CDH18: variants seen among roughly 807,000 people sequenced by gnomAD.
CDH18 encodes the protein cadherin-18.
In CDH18, 31 loss-of-function variants were observed where a neutral mutation model predicts 67.9. That is an observed-to-expected ratio of 0.46 (90% confidence interval 0.34 to 0.62). The LOEUF is 0.62. Ranked by LOEUF, CDH18 falls within the 20% of genes least tolerant of loss-of-function variation. The pLI is 0.01. For synonymous variants in CDH18, 362 were observed against 347.2 expected (o/e 1.04, Z -0.48); for missense variants, 890 against 975.5 (o/e 0.91, Z 1.17).
intron 1 of CDH18, among the ~76,000 whole-genome samples, chr5:20,365,000 A>G (rs1355522935): frequency 6.6e-6 from 1 of 152,208 alleles, no homozygotes; most frequent in Non-Finnish European, 1.5e-5. Flanking sequence ...TTATAAATGT[A>G]TTCAGTAGTA....
chr5:19,881,753 G>A (rs1463213493), intron 2 of CDH18, among the ~76,000 whole-genome samples: 2 of 151,938 alleles, frequency 1.3e-5, no homozygotes, highest in African/African-American at 2.4e-5. Context: ...TGATCCACCC[G>A]CCTCGACCTC....
intron 2 of CDH18, among the ~76,000 whole-genome samples, chr5:19,996,535 G>T (rs1179287453): frequency 2.0e-5 from 3 of 151,952 alleles, no homozygotes; most frequent in Non-Finnish European, 4.4e-5. Flanking sequence ...TACTTTACTG[G>T]TTCCCAACAC....
intron 2 of CDH18, among the ~76,000 whole-genome samples, chr5:20,191,874 AG>A: frequency 6.6e-6 from 1 of 152,298 alleles, no homozygotes; most frequent in African/African-American, 2.4e-5. Flanking sequence ...GTATATATCC[AG>A]TAATGGGATT....
intron 2 of CDH18, among the ~76,000 whole-genome samples, chr5:19,873,396 G>T (rs992108318): frequency 3.3e-5 from 5 of 152,042 alleles, no homozygotes; most frequent in Non-Finnish European, 5.9e-5. Context: ...AACATAGTCG[G>T]TGAGGGAAAT....
chr5:19,960,982 G>A (rs893351757), intron 2 of CDH18, among the ~76,000 whole-genome samples: 15 of 116,872 alleles, frequency 1.3e-4, no homozygotes, highest in African/African-American at 3.8e-4. Flanking sequence ...TTATAAGACT[G>A]GGAGTGCAGG....
At chr5:19,884,622 T>C (rs749819377) in intron 2 of CDH18, among the ~76,000 whole-genome samples, 31 of 151,916 alleles carry the variant, frequency 2.0e-4, no homozygotes, top group Non-Finnish European at 3.4e-4. Flanking sequence ...ATATAAATGT[T>C]TTACATACTT....
intron 1 of CDH18, among the ~76,000 whole-genome samples, chr5:20,418,083 T>C (rs1482469425): frequency 6.6e-6 from 1 of 151,884 alleles, no homozygotes; most frequent in Non-Finnish European, 1.5e-5. Context: ...TTTATTTTTA[T>C]TTTTTGTTGA....
intron 2 of CDH18, among the ~76,000 whole-genome samples, chr5:19,940,307 T>G (rs747809827): frequency 2.5e-4 from 38 of 151,876 alleles, no homozygotes; most frequent in Admixed American, 2.6e-4. Context: ...AAAATATAGC[T>G]TACATGTGAC....
chr5:20,138,529 C>T (rs1435756051), intron 2 of CDH18, among the ~76,000 whole-genome samples: 9 of 152,106 alleles, frequency 5.9e-5, no homozygotes, highest in African/African-American at 2.2e-4. Context: ...CAAATCTTCC[C>T]TGTTTGCAGA....
chr5:20,285,480 T>A (rs1247650349), intron 1 of CDH18, among the ~76,000 whole-genome samples: 1 of 149,540 alleles, frequency 6.7e-6, no homozygotes, highest in Admixed American at 6.7e-5. Context: ...TTCTTGACCA[T>A]CCATTGCTTG....
At chr5:20,142,847 C>T (rs980272642) in intron 2 of CDH18, among the ~76,000 whole-genome samples, 3 of 152,142 alleles carry the variant, frequency 2.0e-5, no homozygotes, top group African/African-American at 4.8e-5. Flanking sequence ...CTTCTAGCCT[C>T]CAGAACTGTG....
At chr5:20,158,957 A>C (rs755971398) in intron 2 of CDH18, 31 of 167,658 alleles carry the variant, frequency 1.8e-4, no homozygotes, top group Non-Finnish European at 3.6e-4. Flanking sequence ...TTTGAGGTCA[A>C]CCTTTCCCTC....
chr5:20,539,913 G>A (rs1229700115), intron 1 of CDH18, among the ~76,000 whole-genome samples: 1 of 152,060 alleles, frequency 6.6e-6, no homozygotes. Flanking sequence ...ACTTATTTAA[G>A]CCTTAGTTTA....
At chr5:20,480,975 C>A (rs1344051205) in intron 1 of CDH18, among the ~76,000 whole-genome samples, 1 of 151,792 alleles carries the variant, frequency 6.6e-6, no homozygotes, top group East Asian at 1.9e-4. Context: ...AACAAAATAG[C>A]AAGGTGAAGC....
intron 9 of CDH18, 119 bp from the exon 10 acceptor site, chr5:19,520,897 T>C: frequency 9.2e-7 from 1 of 1,081,460 alleles, no homozygotes; most frequent in Non-Finnish European, 1.3e-6. Context: ...GCTGGACTTT[T>C]GGCAAACGAC....
chr5:20,173,335 C>G (rs1736990167), intron 2 of CDH18, among the ~76,000 whole-genome samples: 1 of 152,072 alleles, frequency 6.6e-6, no homozygotes, highest in Admixed American at 6.6e-5. Context: ...GTCAACGACC[C>G]AGTCCCAGTA....
chr5:19,949,964 G>T (rs1049259665), intron 2 of CDH18, among the ~76,000 whole-genome samples: 51 of 105,226 alleles, frequency 4.8e-4, no homozygotes, highest in African/African-American at 1.9e-3. Flanking sequence ...AGTGAATAAA[G>T]AAAATATGAT....
chr5:20,414,384 C>T (rs984266740), intron 1 of CDH18, among the ~76,000 whole-genome samples: 3 of 152,136 alleles, frequency 2.0e-5, no homozygotes, highest in Non-Finnish European at 2.9e-5. Flanking sequence ...TCAAATACTG[C>T]CTGCTCTCAC....
At chr5:20,344,326 A>G (rs1481782802) in intron 1 of CDH18, among the ~76,000 whole-genome samples, 2 of 152,116 alleles carry the variant, frequency 1.3e-5, no homozygotes. Context: ...CCTGGAACCC[A>G]AAGAATGGGA....
Sources: gnomAD v4.1 joint callset for allele counts (sites outside exome capture counted in the v4.1 genomes callset) on GRCh38, gnomAD v4.1.1 for gene constraint, MANE v1.5 for transcripts, NCBI Gene and HGNC (gene_info 2026-07-23, HGNC 2026-07-21) for gene names.